The following TRERF1 variants were observed in gnomAD, a reference collection of about 807,000 sequenced individuals.
The protein encoded by TRERF1 is transcriptional-regulating factor 1.
TRERF1 carries 27 observed loss-of-function variants against 122.9 expected under a neutral mutation model. The observed-to-expected ratio is 0.22, with a 90% CI of 0.16 to 0.30. The LOEUF (loss-of-function observed/expected upper bound fraction) is 0.30. Among genes scored for constraint, TRERF1 ranks in the 10% least tolerant of loss-of-function variants. The pLI is 1.00. For missense variants in TRERF1, 1,248 were observed against 1,560.3 expected (o/e 0.80, Z 3.37); for synonymous variants, 636 against 641.7 (o/e 0.99, Z 0.13).
chr6:42,386,413 A>G (rs973960998), intron 2 of TRERF1, among the ~76,000 whole-genome samples: 3 of 152,218 alleles, frequency 2.0e-5, no homozygotes, highest in Non-Finnish European at 4.4e-5. Flanking sequence ...ATTGCATTCC[A>G]GCCTGGGCGA....
At chr6:42,302,935 C>T (rs1176477935) in intron 3 of TRERF1, among the ~76,000 whole-genome samples, 1 of 152,178 alleles carries the variant, frequency 6.6e-6, no homozygotes, top group Non-Finnish European at 1.5e-5. Flanking sequence ...CAACATATGG[C>T]CAACTTTTAT....
chr6:42,264,612 G>A lies in TRERF1; in HGVS notation c.1635+92C>T, dbSNP rs568439240. On this transcript the variant is annotated intron_variant, in intron 7 of 17. Coordinates refer to ENST00000372922, the Ensembl canonical transcript of TRERF1. ...GGAGGACTGTGCCTCGCCAGGTCCC[G>A]CATGGGGCTCACATCACTCTCTGTC... 2.0e-4 allele frequency: 306 copies of A among 1,539,004 alleles called. 2 individuals carry two copies. Among genetic ancestry groups the A allele is most frequent in the South Asian group, 9.3e-4 (73 of 78,574 alleles).
chr6:42,434,972 A>G (rs1038620370), intron 2 of TRERF1, among the ~76,000 whole-genome samples: 3 of 152,114 alleles, frequency 2.0e-5, no homozygotes, highest in Non-Finnish European at 2.9e-5. Context: ...AACTAAAACT[A>G]CAAAAAAGTT....
chr6:42,336,289 C>T (rs1361288944), intron 3 of TRERF1, among the ~76,000 whole-genome samples: 4 of 152,156 alleles, frequency 2.6e-5, no homozygotes, highest in African/African-American at 9.7e-5. Context: ...AGCACCTGTT[C>T]TTCTTTCTTG....
At chr6:42,290,115 G>T (rs1166874067) in intron 4 of TRERF1, among the ~76,000 whole-genome samples, 1 of 152,196 alleles carries the variant, frequency 6.6e-6, no homozygotes, top group East Asian at 1.9e-4. Flanking sequence ...ACATGAAGAA[G>T]GGCGGCCAGC....
chr6:42,437,288 C>T (rs1164934631), intron 2 of TRERF1, among the ~76,000 whole-genome samples: 1 of 152,092 alleles, frequency 6.6e-6, no homozygotes, highest in African/African-American at 2.4e-5. Flanking sequence ...CATTCAGCCC[C>T]AAACACTTCT....
intron 2 of TRERF1, among the ~76,000 whole-genome samples, chr6:42,434,345 A>G (rs1308911023): frequency 1.3e-5 from 2 of 152,010 alleles, no homozygotes; most frequent in Admixed American, 6.6e-5. Context: ...ATCCATATGA[A>G]GAGAACCACA....
chr6:42,404,884 T>C (rs773022058), intron 2 of TRERF1, among the ~76,000 whole-genome samples: 1 of 152,226 alleles, frequency 6.6e-6, no homozygotes, highest in Non-Finnish European at 1.5e-5. Flanking sequence ...GAATTCCTCT[T>C]GCCTAAGGGT....
In TRERF1 at chr6:42,259,417, C is replaced by T. The variant is rs775958427; in HGVS notation, c.2191G>A (p.Gly731Ser). ...TGCGGGTGGGCGCCAGGGCCGTGGCCGGAGATGAGGACATTGCTGAAGAGC... is the reference window on the plus strand; with the variant it reads ...TGCGGGTGGGCGCCAGGGCCGTGGCTGGAGATGAGGACATTGCTGAAGAGC... Residue 731 changes from glycine (G) to serine (S), a missense_variant, in exon 9 of 18, where the codon GGC becomes AGC. Gly to Ser is a moderately conservative substitution (Grantham distance 56, BLOSUM62 0). Transcript: ENST00000372922. This position sits in a 1 kb window ranked among gnomAD's most constrained non-coding sequence, Gnocchi z 4.9. 1.2e-5 allele frequency: 19 copies of T among 1,561,770 alleles called. No homozygotes were observed. In the African/African-American group the frequency reaches 2.2e-4, roughly 18 times the overall value.
chr6:42,296,819 A>T (rs1213143389), intron 4 of TRERF1, among the ~76,000 whole-genome samples: 1 of 152,190 alleles, frequency 6.6e-6, no homozygotes, highest in Non-Finnish European at 1.5e-5. Flanking sequence ...AGCCCACGGG[A>T]TCTGGCTTCA....
At chr6:42,307,456 T>C (rs1284658007) in intron 3 of TRERF1, among the ~76,000 whole-genome samples, 1 of 152,168 alleles carries the variant, frequency 6.6e-6, no homozygotes, top group South Asian at 2.1e-4. Context: ...CACAGTAGAA[T>C]ACAAAATTCC....
At position 42,271,595 on chromosome 6, in the gene TRERF1, A is replaced by AC. The variant is rs558428435; in HGVS notation, c.-258-1748dup. Among the ~76,000 whole-genome samples the AC allele has an allele frequency of 5.7e-4, 86 of 150,700 alleles. 1 individual carries two copies. Among genetic ancestry groups the AC allele is most frequent in the Middle Eastern group, 3.4e-3 (1 of 292 alleles). On this transcript the variant is annotated intron_variant, in intron 4 of 17. Transcript: ENST00000372922. ...TAAAAAAAGTTTATTTTAAAAAGTC[A>AC]CCCCCCCCAAAAAAAGTTACCCAGT...
At chr6:42,426,217 C>T (rs1783614925) in intron 2 of TRERF1, among the ~76,000 whole-genome samples, 1 of 152,196 alleles carries the variant, frequency 6.6e-6, no homozygotes, top group Admixed American at 6.5e-5. Context: ...CAAATGCCTA[C>T]TACACACCGG....
intron 4 of TRERF1, among the ~76,000 whole-genome samples, chr6:42,296,718 A>C (rs1785170809): frequency 6.6e-6 from 1 of 152,088 alleles, no homozygotes; most frequent in African/African-American, 2.4e-5. Context: ...GGATGGGGAG[A>C]GGGGAAAAGG....
At chr6:42,391,558 C>T (rs1385896172) in intron 2 of TRERF1, among the ~76,000 whole-genome samples, 2 of 152,268 alleles carry the variant, frequency 1.3e-5, no homozygotes, top group African/African-American at 4.8e-5. Flanking sequence ...GGGAGTCCTC[C>T]TGCCCACACC....
chr6:42,311,887 TGTCGTCTTCCAA>T (rs1382259816), intron 3 of TRERF1, among the ~76,000 whole-genome samples: 3 of 152,056 alleles, frequency 2.0e-5, no homozygotes, highest in Non-Finnish European at 4.4e-5. Flanking sequence ...AGAAAGCTGT[TGTCGTCTTCCAA>T]GTAAGAGAGG....
chr6:42,379,525 G>A (rs181139142), intron 2 of TRERF1, among the ~76,000 whole-genome samples: 3 of 152,072 alleles, frequency 2.0e-5, no homozygotes, highest in African/African-American at 7.2e-5. Context: ...CTATATGTCA[G>A]GCATGTATTA....
At chr6:42,428,920 C>T (rs1486617006) in intron 2 of TRERF1, among the ~76,000 whole-genome samples, 2 of 152,196 alleles carry the variant, frequency 1.3e-5, no homozygotes, top group African/African-American at 4.8e-5. Context: ...ATAGAGAAGT[C>T]CAATACACTG....
intron 4 of TRERF1, among the ~76,000 whole-genome samples, chr6:42,271,313 A>G (rs1199219403): frequency 6.6e-6 from 1 of 152,146 alleles, no homozygotes; most frequent in East Asian, 1.9e-4. Flanking sequence ...CTCCTTTACG[A>G]AAAGAAGGGC....
Sources: allele counts gnomAD v4.1 joint callset (sites outside exome capture counted in the v4.1 genomes callset), GRCh38; gene constraint gnomAD v4.1.1; non-coding constraint Gnocchi (gnomAD v3.1); transcripts MANE v1.5; gene names NCBI Gene and HGNC (gene_info 2026-07-23, HGNC 2026-07-21).